The following MACROD2 variants were observed in gnomAD, a reference collection of about 807,000 sequenced individuals.
The protein encoded by MACROD2 is ADP-ribose glycohydrolase MACROD2.
MACROD2 carries 36 observed loss-of-function variants against 70.4 expected under a neutral mutation model. The observed-to-expected ratio is 0.51, with a 90% CI of 0.39 to 0.68. MACROD2 has a LOEUF of 0.68. Ranked by LOEUF, MACROD2 falls within the 30% of genes least tolerant of loss-of-function variation. MACROD2 has a pLI of 0.00. For synonymous variants in MACROD2, 172 were observed against 178.8 expected, an observed-to-expected ratio of 0.96 and a Z score of 0.30; for missense variants, 496 against 538.4, an observed-to-expected ratio of 0.92 and a Z score of 0.78.
At chr20:15,509,799 G>T (rs2047475191) in intron 8 of MACROD2, among the ~76,000 whole-genome samples, 1 of 152,172 alleles carries the variant, frequency 6.6e-6, no homozygotes, top group Non-Finnish European at 1.5e-5. Flanking sequence ...TAGGGAGGGT[G>T]GGCATGTCTC....
chr20:15,345,951 C>G (rs1408481061), intron 6 of MACROD2, among the ~76,000 whole-genome samples: 1 of 152,054 alleles, frequency 6.6e-6, no homozygotes, highest in Non-Finnish European at 1.5e-5. Context: ...GTAGGGAGAC[C>G]TAGATTCCTG....
At chr20:14,042,656 T>A (rs1601148891) in intron 2 of MACROD2, among the ~76,000 whole-genome samples, 1 of 152,166 alleles carries the variant, frequency 6.6e-6, no homozygotes, top group African/African-American at 2.4e-5. Flanking sequence ...CGTGCCATCA[T>A]GTCCAGTTAA....
At chr20:14,003,068 A>G (rs2052756593) in intron 2 of MACROD2, among the ~76,000 whole-genome samples, 1 of 152,254 alleles carries the variant, frequency 6.6e-6, no homozygotes, top group Non-Finnish European at 1.5e-5. Flanking sequence ...ACTCGTTGGT[A>G]TTAATGATCT....
intron 6 of MACROD2, among the ~76,000 whole-genome samples, chr20:15,304,822 G>A (rs2146134453): frequency 6.6e-6 from 1 of 152,344 alleles, no homozygotes; most frequent in African/African-American, 2.4e-5. Context: ...CACAGGGGCA[G>A]GATTTGCATC....
intron 5 of MACROD2, among the ~76,000 whole-genome samples, chr20:15,167,824 T>A (rs2076395980): frequency 6.6e-6 from 1 of 152,052 alleles, no homozygotes; most frequent in African/African-American, 2.4e-5. Flanking sequence ...AGTAAATGAG[T>A]CTACCAGGAA....
At chr20:15,831,339 G>C (rs1366672153) in intron 8 of MACROD2, among the ~76,000 whole-genome samples, 1 of 152,108 alleles carries the variant, frequency 6.6e-6, no homozygotes, top group Non-Finnish European at 1.5e-5. Context: ...GCAGCTAAAG[G>C]CATTTTTCCT....
rs528609172 is a variant in MACROD2, at chr20:15,210,718, A to G, written c.419-19222A>G. Among the ~76,000 whole-genome samples, 19 of 152,154 alleles carry G rather than the reference A, an allele frequency of 1.2e-4. No individual in the cohort carries two copies. In the South Asian group the frequency reaches 3.9e-3, roughly 32 times the overall value. On this transcript the variant is annotated intron_variant, in intron 5 of 17. Coordinates refer to ENST00000684519, the MANE Select transcript of MACROD2 (RefSeq NM_001351661.2). ...ATTTCCCCCTTGCTCTTCCTGTGAT[A>G]GTGAGTTCTCATGAGATCGTTGTTT...
At chr20:14,636,844 G>A (rs1363014987) in intron 4 of MACROD2, among the ~76,000 whole-genome samples, 1 of 152,136 alleles carries the variant, frequency 6.6e-6, no homozygotes, top group Non-Finnish European at 1.5e-5. Context: ...GGGGAAGAAG[G>A]TCAAAATCAG....
intron 5 of MACROD2, among the ~76,000 whole-genome samples, chr20:15,102,275 T>C (rs2075878731): frequency 1.3e-5 from 2 of 152,006 alleles, no homozygotes; most frequent in Admixed American, 1.3e-4. Context: ...TTATTTCACA[T>C]AAAAAATCTA....
chr20:15,924,768 A>G (rs1408917716), intron 10 of MACROD2, among the ~76,000 whole-genome samples: 3 of 152,156 alleles, frequency 2.0e-5, no homozygotes, highest in African/African-American at 7.2e-5. Flanking sequence ...ATCTTTATAT[A>G]CTTTCCATTC....
intron 5 of MACROD2, among the ~76,000 whole-genome samples, chr20:15,066,774 C>G (rs1201354443): frequency 6.6e-6 from 1 of 151,528 alleles, no homozygotes; most frequent in Non-Finnish European, 1.5e-5. Flanking sequence ...TCCAGCTACT[C>G]AGGAGGCTGA....
intron 4 of MACROD2, among the ~76,000 whole-genome samples, chr20:14,640,884 T>G (rs1326298405): frequency 1.3e-5 from 2 of 152,236 alleles, no homozygotes; most frequent in African/African-American, 2.4e-5. Flanking sequence ...TGATGGCTGC[T>G]GAATGATCAG....
At chr20:15,187,346 C>G (rs972898413) in intron 5 of MACROD2, among the ~76,000 whole-genome samples, 3 of 151,942 alleles carry the variant, frequency 2.0e-5, no homozygotes, top group African/African-American at 7.3e-5. Context: ...CTTGAACACA[C>G]AAAAAAGTAA....
chr20:14,946,922 G>A (rs1486308249), intron 5 of MACROD2, among the ~76,000 whole-genome samples: 1 of 152,146 alleles, frequency 6.6e-6, no homozygotes, highest in South Asian at 2.1e-4. Context: ...TGCTATGCAT[G>A]TGAGGTGTAT....
rs574421027 is a variant in MACROD2 at position 15,046,450 on chromosome 20, A to T, written c.419-183490A>T. 6.2e-4 allele frequency among the ~76,000 whole-genome samples: 94 copies of T among 151,964 alleles called. No homozygotes were observed. The Middle Eastern group carries it at 0.01, about 16-fold the overall frequency. On this transcript the variant is annotated intron_variant, in intron 5 of 17. Coordinates refer to ENST00000684519, the MANE Select transcript of MACROD2 (RefSeq NM_001351661.2). ...CCAATGAGAACATCTTCCTACCAAA[A>T]CCCTTTAGACGGTCTGTTTCTGTCT...
intron 4 of MACROD2, among the ~76,000 whole-genome samples, chr20:14,503,386 C>T (rs1466247585): frequency 6.6e-6 from 1 of 152,040 alleles, no homozygotes; most frequent in Non-Finnish European, 1.5e-5. Context: ...TATATAGACC[C>T]CAGGTCTGAA....
At chr20:14,405,627 G>T (rs1308330234) in intron 3 of MACROD2, among the ~76,000 whole-genome samples, 1 of 152,124 alleles carries the variant, frequency 6.6e-6, no homozygotes, top group African/African-American at 2.4e-5. Flanking sequence ...TAAGATTCTT[G>T]TCAGAATATC....
chr20:15,779,354 C>T (rs573969800), intron 8 of MACROD2, among the ~76,000 whole-genome samples: 1 of 152,066 alleles, frequency 6.6e-6, no homozygotes, highest in Non-Finnish European at 1.5e-5. Context: ...ATAATGGTTC[C>T]AGTGGTTCAT....
chr20:15,053,019 G>A (rs187532524), intron 5 of MACROD2, among the ~76,000 whole-genome samples: 1 of 152,288 alleles, frequency 6.6e-6, no homozygotes, highest in East Asian at 1.9e-4. Flanking sequence ...CTAATCCAGA[G>A]CAACGCCCTA....
Sources: allele counts gnomAD v4.1 joint callset (sites outside exome capture counted in the v4.1 genomes callset), GRCh38; gene constraint gnomAD v4.1.1; transcripts MANE v1.5; gene names NCBI Gene and HGNC (gene_info 2026-07-23, HGNC 2026-07-21).